Variants in GRIA4 observed in about 807,000 individuals in gnomAD.
GRIA4 encodes glutamate ionotropic receptor AMPA type subunit 4.
A neutral mutation model predicts 104.0 loss-of-function variants in GRIA4; 34 were observed. That is an observed-to-expected ratio of 0.33 (90% CI 0.25 to 0.44). The LOEUF (loss-of-function observed/expected upper bound fraction) is 0.44. Among genes scored for constraint, GRIA4 ranks in the 20% least tolerant of loss-of-function variants. The probability of loss-of-function intolerance (pLI) is 1.00; values close to 1 mark genes in which losing one functional copy is unlikely to be tolerated. For synonymous variants in GRIA4, 386 were observed against 381.9 expected (o/e 1.01, Z -0.13); for missense variants, 750 against 1,096.5 (o/e 0.68, Z 4.46).
intron 3 of GRIA4, among the ~76,000 whole-genome samples, chr11:105,618,007 C>T (rs919673491): frequency 6.6e-6 from 1 of 151,786 alleles, no homozygotes; most frequent in Non-Finnish European, 1.5e-5. Flanking sequence ...AAGATCTAGT[C>T]GAGTCATTTG....
chr11:105,748,402 G>A (rs1028178639), intron 3 of GRIA4, among the ~76,000 whole-genome samples: 4 of 151,250 alleles, frequency 2.6e-5, no homozygotes, highest in Non-Finnish European at 5.9e-5. Flanking sequence ...TTTTTGAGAC[G>A]GAGTTTTGCT....
chr11:105,837,637 C>G (rs1297246363), intron 4 of GRIA4, among the ~76,000 whole-genome samples: 1 of 152,014 alleles, frequency 6.6e-6, no homozygotes. Context: ...AGGAGAAACA[C>G]CGTGTGGAAC....
At chr11:105,620,194 T>A (rs1950705720) in intron 3 of GRIA4, among the ~76,000 whole-genome samples, 1 of 151,890 alleles carries the variant, frequency 6.6e-6, no homozygotes, top group Non-Finnish European at 1.5e-5. Context: ...CAGAATAGTT[T>A]GCAGGATTTG....
chr11:105,611,333 T>C (rs1449594880), intron 2 of GRIA4, among the ~76,000 whole-genome samples: 1 of 152,076 alleles, frequency 6.6e-6, no homozygotes, highest in Non-Finnish European at 1.5e-5. Context: ...TTACCTATAG[T>C]CGCTTAAGTA....
At chr11:105,624,603 G>T (rs923046314) in intron 3 of GRIA4, among the ~76,000 whole-genome samples, 2 of 151,882 alleles carry the variant, frequency 1.3e-5, no homozygotes, top group Non-Finnish European at 2.9e-5. Context: ...GGTTATCCTT[G>T]GTTAATTACT....
intron 3 of GRIA4, among the ~76,000 whole-genome samples, chr11:105,626,546 A>G (rs939021867): frequency 1.3e-5 from 2 of 152,196 alleles, no homozygotes; most frequent in African/African-American, 4.8e-5. Context: ...GTAACAATTT[A>G]TCAAAAGCCA....
chr11:105,654,179 G>A (rs1376020978), intron 3 of GRIA4, among the ~76,000 whole-genome samples: 2 of 151,946 alleles, frequency 1.3e-5, no homozygotes, highest in Non-Finnish European at 2.9e-5. Flanking sequence ...ATGGTTAGCA[G>A]AGGTTTGTGG....
intron 6 of GRIA4, among the ~76,000 whole-genome samples, chr11:105,890,775 C>A (rs1310093531): frequency 1.3e-5 from 2 of 152,166 alleles, no homozygotes; most frequent in Non-Finnish European, 2.9e-5. Flanking sequence ...AATGGGCATG[C>A]CCCTCCCTGA....
At chr11:105,921,550 TCTAA>T (rs1384846501) in intron 11 of GRIA4, among the ~76,000 whole-genome samples, 3 of 152,132 alleles carry the variant, frequency 2.0e-5, no homozygotes, top group Non-Finnish European at 4.4e-5. Flanking sequence ...CTCACCTATC[TCTAA>T]CTTTTTGAAA....
chr11:105,846,196 TTC>T (rs1316668024), intron 4 of GRIA4, among the ~76,000 whole-genome samples: 2 of 152,224 alleles, frequency 1.3e-5, no homozygotes, highest in African/African-American at 4.8e-5. Flanking sequence ...TATATAGTAT[TTC>T]TGTGTCAATA....
chr11:105,751,661 C>T (rs547512172), intron 3 of GRIA4, among the ~76,000 whole-genome samples: 3 of 152,208 alleles, frequency 2.0e-5, no homozygotes, highest in South Asian at 2.1e-4. Flanking sequence ...AATCTGAATA[C>T]CTCCTTTCTT....
intron 14 of GRIA4, among the ~76,000 whole-genome samples, chr11:105,958,539 AT>A (rs1948649234): frequency 1.3e-5 from 2 of 152,106 alleles, no homozygotes; most frequent in African/African-American, 4.8e-5. Context: ...GGATTTTTGC[AT>A]TGATGTTCAT....
intron 4 of GRIA4, among the ~76,000 whole-genome samples, chr11:105,787,616 C>T (rs777751582): frequency 6.6e-6 from 1 of 151,290 alleles, no homozygotes; most frequent in African/African-American, 2.4e-5. Context: ...GCTGGGATTA[C>T]AGGCCTGTAC....
chr11:105,878,673 G>A (rs746257772), intron 5 of GRIA4, among the ~76,000 whole-genome samples: 1 of 152,224 alleles, frequency 6.6e-6, no homozygotes, highest in Non-Finnish European at 1.5e-5. Flanking sequence ...GCTATGGTGT[G>A]CTCCGCCCAG....
chr11:105,650,396 C>A (rs531076046), intron 3 of GRIA4, among the ~76,000 whole-genome samples: 1 of 152,140 alleles, frequency 6.6e-6, no homozygotes, highest in African/African-American at 2.4e-5. Context: ...TATCCTTAGG[C>A]TTCCTTATAA....
rs1471533440 is a variant in GRIA4 at position 105,870,558 on chromosome 11, A to G, written c.672+8350A>G. Among the ~76,000 whole-genome samples, 4 of 152,020 alleles carry G rather than the reference A, an allele frequency of 2.6e-5. No homozygotes were observed. The East Asian group carries it at 7.7e-4, about 29-fold the overall frequency. On this transcript the variant is annotated intron_variant, in intron 5 of 16. Transcript: ENST00000282499. ...AATGTGGAAAGGTACAAAAAAAAAA[A>G]AGACAGAAGCAAATTATTGAAAGGG...
chr11:105,972,328 GT>G (rs1206062968), intron 15 of GRIA4, among the ~76,000 whole-genome samples: 8 of 152,050 alleles, frequency 5.3e-5, no homozygotes, highest in African/African-American at 1.7e-4. Flanking sequence ...TTTTGGGGTA[GT>G]TTTTTTGTTT....
intron 4 of GRIA4, among the ~76,000 whole-genome samples, chr11:105,823,982 T>G (rs1242822446): frequency 6.6e-6 from 1 of 152,064 alleles, no homozygotes; most frequent in Non-Finnish European, 1.5e-5. Context: ...CAGTGGTGCA[T>G]GTGCACAAAG....
chr11:105,874,050 G>A (rs958541274), intron 5 of GRIA4, among the ~76,000 whole-genome samples: 6 of 152,142 alleles, frequency 3.9e-5, no homozygotes, highest in Admixed American at 3.9e-4. Context: ...ATAGTTTTAG[G>A]TCTTATGTTT....
Sources: allele counts gnomAD v4.1 joint callset (sites outside exome capture counted in the v4.1 genomes callset), GRCh38; gene constraint gnomAD v4.1.1; transcripts MANE v1.5; gene names NCBI Gene and HGNC (gene_info 2026-07-23, HGNC 2026-07-21).